The following RARB variants were observed in gnomAD, a reference collection of about 807,000 sequenced individuals.
The protein encoded by RARB is HBV-activated protein.
RARB carries 17 observed loss-of-function variants against 51.9 expected under a neutral mutation model. The observed-to-expected ratio is 0.33, with a 90% confidence interval of 0.22 to 0.49. RARB has a LOEUF of 0.49. Ranked by LOEUF, RARB falls within the 20% of genes least tolerant of loss-of-function variation. RARB has a pLI of 0.99. For synonymous variants in RARB, 215 were observed against 195.4 expected, an observed-to-expected ratio of 1.10 and a Z score of -0.84; for missense variants, 369 against 550.8, an observed-to-expected ratio of 0.67 and a Z score of 3.30.
Position 25,596,575 on chromosome 3 carries a change from G to A in RARB, c.1306G>A (p.Val436Met). ...CAGTCCTAGCATCTCACCCAGCTCA[G>A]TGGAAAACAGTGGGGTCAGTCAGTC... ...EHSPSISPSS[V>M]ENSGVSQSPL... is the part of the protein sequence containing the mutation. The change falls in exon 8 of 8, where the codon GTG becomes ATG. Residue 436 changes from valine (V) to methionine (M), a missense_variant. Around this residue, in one of 9 missense-constraint regions of RARB, gnomAD observed 54 missense variants for 43.4 expected, o/e 1.24. Coordinates refer to ENST00000330688, the MANE Select transcript of RARB (RefSeq NM_000965.5). 1 of 1,612,016 alleles carries A rather than the reference G, an allele frequency of 6.2e-7. No individual in the cohort carries two copies. The highest frequency in any genetic ancestry group is 8.5e-7 in the Non-Finnish European group (1 of 1,178,526).
At chr3:25,415,342 C>G (rs1707673715) in intron 5 of RARB, among the ~76,000 whole-genome samples, 1 of 151,982 alleles carries the variant, frequency 6.6e-6, no homozygotes, top group South Asian at 2.1e-4. Flanking sequence ...ACATTTAGGT[C>G]CAGGATCCAT....
intron 2 of RARB, among the ~76,000 whole-genome samples, chr3:24,906,947 A>G (rs766454612): frequency 4.6e-5 from 7 of 152,088 alleles, no homozygotes; most frequent in Non-Finnish European, 8.8e-5. Flanking sequence ...TGTTGGATCA[A>G]GTTAAAAGAA....
At chr3:25,200,443 T>G (rs1701361196) in intron 5 of RARB, among the ~76,000 whole-genome samples, 1 of 152,184 alleles carries the variant, frequency 6.6e-6, no homozygotes, top group African/African-American at 2.4e-5. Context: ...GCTCTTTAGT[T>G]TGATTAGATC....
At chr3:24,970,871 C>T (rs1269203368) in intron 2 of RARB, among the ~76,000 whole-genome samples, 1 of 151,974 alleles carries the variant, frequency 6.6e-6, no homozygotes, top group Non-Finnish European at 1.5e-5. Flanking sequence ...AGCTTGTGGA[C>T]ATTCATGTCA....
At chr3:25,384,389 A>G (rs1024860780) in intron 5 of RARB, among the ~76,000 whole-genome samples, 1 of 152,226 alleles carries the variant, frequency 6.6e-6, no homozygotes, top group Admixed American at 6.5e-5. Flanking sequence ...TATGAGCAGC[A>G]TGTAGAATAA....
intron 5 of RARB, among the ~76,000 whole-genome samples, chr3:25,582,017 C>T (rs1037800770): frequency 5.9e-5 from 9 of 152,004 alleles, no homozygotes; most frequent in South Asian, 2.1e-4. Context: ...GTGGGGTATA[C>T]GGCCAGAGTG....
At chr3:25,112,057 C>T (rs1003284447) in intron 3 of RARB, among the ~76,000 whole-genome samples, 3 of 152,074 alleles carry the variant, frequency 2.0e-5, no homozygotes, top group African/African-American at 7.2e-5. Context: ...CTTGCCACCC[C>T]ACAGATAGTA....
At chr3:25,047,837 G>A (rs1189431862) in intron 2 of RARB, among the ~76,000 whole-genome samples, 4 of 152,114 alleles carry the variant, frequency 2.6e-5, no homozygotes, top group South Asian at 4.1e-4. Context: ...GGATGATATG[G>A]TTTTCTGTGT....
intron 3 of RARB, among the ~76,000 whole-genome samples, chr3:25,093,912 T>A (rs1699247244): frequency 6.6e-6 from 1 of 152,048 alleles, no homozygotes; most frequent in Admixed American, 6.6e-5. Context: ...GCCTCCAAAT[T>A]TTCAGGGAGA....
chr3:25,578,675 AAAAT>A (rs1332279431), intron 4 of RARB, among the ~76,000 whole-genome samples: 5 of 152,242 alleles, frequency 3.3e-5, no homozygotes, highest in African/African-American at 1.2e-4. Context: ...AGGAAGGAAT[AAAAT>A]AAATCTGGAG....
At chr3:24,978,830 T>C (rs1328198376) in intron 2 of RARB, among the ~76,000 whole-genome samples, 3 of 152,186 alleles carry the variant, frequency 2.0e-5, no homozygotes, top group African/African-American at 7.2e-5. Context: ...TCTACTTCTT[T>C]TAATTGTGAT....
intron 2 of RARB, among the ~76,000 whole-genome samples, chr3:24,973,133 C>G (rs769168184): frequency 3.9e-5 from 6 of 151,966 alleles, no homozygotes; most frequent in Non-Finnish European, 7.4e-5. Flanking sequence ...GTGTTCAATC[C>G]ATTTTTATTT....
At chr3:24,867,017 G>T (rs73823004) in intron 2 of RARB, among the ~76,000 whole-genome samples, 1 of 152,162 alleles carries the variant, frequency 6.6e-6, no homozygotes, top group Admixed American at 6.5e-5. Context: ...TGGAGCCATT[G>T]GTCATCAGAT....
At chr3:24,862,205 G>C (rs1354816537) in intron 2 of RARB, among the ~76,000 whole-genome samples, 1 of 152,160 alleles carries the variant, frequency 6.6e-6, no homozygotes, top group African/African-American at 2.4e-5. Context: ...TGTGGGTTTG[G>C]TTTCTCACTC....
At chr3:24,925,656 A>T (rs59384760) in intron 2 of RARB, among the ~76,000 whole-genome samples, 2,520 of 51,872 alleles carry the variant, frequency 0.049, 24 homozygotes, top group East Asian at 0.1. Context: ...TTTTTTTTTT[A>T]AAAAAAAAAA....
At chr3:25,249,121 A>C (rs923308706) in intron 5 of RARB, among the ~76,000 whole-genome samples, 1 of 151,726 alleles carries the variant, frequency 6.6e-6, no homozygotes, top group African/African-American at 2.4e-5. Context: ...GGCATTCTTC[A>C]TTCTTTTTTA....
At chr3:24,991,774 C>T (rs1432671826) in intron 2 of RARB, among the ~76,000 whole-genome samples, 45 of 141,814 alleles carry the variant, frequency 3.2e-4, no homozygotes, top group African/African-American at 6.4e-4. Flanking sequence ...TTTTTTTTTT[C>T]CCTCCCTGCT....
intron 3 of RARB, among the ~76,000 whole-genome samples, chr3:25,544,535 G>C (rs1049289596): frequency 1.3e-5 from 2 of 152,164 alleles, no homozygotes; most frequent in African/African-American, 2.4e-5. Context: ...GCCCTGTGTT[G>C]CTTGTCAGAC....
intron 2 of RARB, among the ~76,000 whole-genome samples, chr3:24,905,666 C>T (rs1483938045): frequency 6.6e-6 from 1 of 152,164 alleles, no homozygotes; most frequent in Non-Finnish European, 1.5e-5. Context: ...TTAAAGAAGC[C>T]TGGAGGTGCA....
Sources: gnomAD v4.1 joint callset for allele counts (sites outside exome capture counted in the v4.1 genomes callset) on GRCh38, gnomAD v4.1.1 for gene constraint, gnomAD v4.1.1 regional missense constraint, MANE v1.5 for transcripts, NCBI Gene and HGNC (gene_info 2026-07-23, HGNC 2026-07-21) for gene names.